The following SWT1 variants were observed in gnomAD, a reference collection of about 807,000 sequenced individuals.
SWT1 encodes the protein transcriptional protein SWT1.
Under a neutral mutation model 107.3 loss-of-function variants are expected in SWT1, and 33 were observed. The ratio of observed to expected loss-of-function variants is 0.31; its 90% CI spans 0.23 to 0.41. The LOEUF (loss-of-function observed/expected upper bound fraction) is 0.41. Ranked by LOEUF, SWT1 falls within the 10% of genes least tolerant of loss-of-function variation. SWT1 has a pLI of 1.00. For synonymous variants in SWT1, 345 were observed against 348.3 expected, an observed-to-expected ratio of 0.99 and a Z score of 0.11; for missense variants, 898 against 1,028.9, an observed-to-expected ratio of 0.87 and a Z score of 1.74.
intron 13 of SWT1, among the ~76,000 whole-genome samples, chr1:185,212,646 C>CA (rs1007903697): frequency 4.0e-5 from 6 of 150,858 alleles, no homozygotes; most frequent in South Asian, 2.1e-4. Context: ...ACTAAAAATC[C>CA]AAAAAAAATA....
At position 185,221,888 on chromosome 1, in the gene SWT1, G is replaced by T. The variant is rs1659683947; in HGVS notation, c.2161G>T (p.Val721Leu). ...TAAGCCAAATTCTTCAGAAAACACAGTGACTAAAAAGCAGGAAGGTACTTC... is the reference window on the plus strand; with the variant it reads ...TAAGCCAAATTCTTCAGAAAACACATTGACTAAAAAGCAGGAAGGTACTTC... The part of the protein sequence containing the change: ...KLKPNSSENT[V>L]TKKQEGTSLK... Residue 721 changes from valine (V) to leucine (L), a missense_variant, in exon 15 of 19, where the codon GTG (valine) becomes TTG (leucine). By Grantham distance (32) the Val-to-Leu change is conservative. Coordinates refer to ENST00000367500, the MANE Select transcript of SWT1 (RefSeq NM_017673.7). 6.2e-7 allele frequency: 1 copy of T among 1,604,602 alleles called. No individual in the cohort carries two copies. The highest frequency in any genetic ancestry group is 8.5e-7 in the Non-Finnish European group (1 of 1,177,108).
chr1:185,181,191 C>T (rs779847597), intron 6 of SWT1, among the ~76,000 whole-genome samples: 1 of 152,200 alleles, frequency 6.6e-6, no homozygotes, highest in South Asian at 2.1e-4. Flanking sequence ...TTACTGGAGC[C>T]CGGGAGATGG....
chr1:185,195,270 T>C (rs1443742092), intron 10 of SWT1, among the ~76,000 whole-genome samples: 1 of 152,168 alleles, frequency 6.6e-6, no homozygotes, highest in Non-Finnish European at 1.5e-5. Context: ...GTTCCTGTGT[T>C]AGTTTGCTGG....
chr1:185,167,582 C>T (rs1654692164), intron 3 of SWT1, among the ~76,000 whole-genome samples: 1 of 152,194 alleles, frequency 6.6e-6, no homozygotes, highest in South Asian at 2.1e-4. Context: ...CCGATTTCAT[C>T]CCATTTCTCC....
intron 13 of SWT1, among the ~76,000 whole-genome samples, chr1:185,208,707 T>C (rs1658523673): frequency 6.6e-6 from 1 of 152,016 alleles, no homozygotes; most frequent in Non-Finnish European, 1.5e-5. Flanking sequence ...AGTCATTTCC[T>C]TATGTCTCAT....
At chr1:185,240,230 TAAA>T (rs1558066773) in intron 16 of SWT1, among the ~76,000 whole-genome samples, 1 of 151,874 alleles carries the variant, frequency 6.6e-6, no homozygotes, top group Non-Finnish European at 1.5e-5. Flanking sequence ...AATTATGTTT[TAAA>T]AAACAAAAAA....
At chr1:185,243,564 A>G (rs1402393322) in intron 16 of SWT1, among the ~76,000 whole-genome samples, 1 of 152,206 alleles carries the variant, frequency 6.6e-6, no homozygotes, top group Non-Finnish European at 1.5e-5. Context: ...TTAACTCAGG[A>G]CAGTGTTTTC....
Position 185,202,743 on chromosome 1 carries a change from C to A in SWT1, c.1613C>A (p.Ser538Tyr). 1 of 1,599,294 alleles carries A rather than the reference C, an allele frequency of 6.3e-7. No individual in the cohort carries two copies. Among genetic ancestry groups the A allele is most frequent in the Non-Finnish European group, 8.5e-7 (1 of 1,172,072 alleles). ...TTGAGTGCAGAGTTATTACACTTAT[C>A]TCTGAACACAGATGTGTGTCATCAG... ...EELSAELLHL[S>Y]LNTDVCHQPC... The change falls in exon 11 of 19, where the codon TCT becomes TAT. Residue 538 changes from serine (S) to tyrosine (Y), a missense_variant. By Grantham distance (144) the Ser-to-Tyr change is moderately radical. This residue lies in a region of SWT1 where 382 missense variants were observed against 460.0 expected (regional missense o/e 0.83). Coordinates refer to ENST00000367500, the MANE Select transcript of SWT1 (RefSeq NM_017673.7).
In SWT1 at chr1:185,176,515, G is replaced by A. The variant is rs1253458284; in HGVS notation, c.966+1402G>A. ...TTATGTAATGTAATTGCCATTTATG[G>A]ACTACTTTGAGAACCTAATCTCTAT... On this transcript the variant is annotated intron_variant, in intron 5 of 18. Coordinates refer to ENST00000367500, the MANE Select transcript of SWT1 (RefSeq NM_017673.7). The A allele has an allele frequency of 9.5e-6, 9 of 950,108 alleles. No individual in the cohort carries two copies. In the South Asian group the frequency reaches 3.4e-4, roughly 36 times the overall value. 58.9% of individuals were successfully genotyped at this position (950,108 alleles called of 1,614,324 possible).
intron 10 of SWT1, among the ~76,000 whole-genome samples, chr1:185,196,580 T>C (rs1002244925): frequency 6.6e-6 from 1 of 152,244 alleles, no homozygotes; most frequent in African/African-American, 2.4e-5. Context: ...TTGGGCATTG[T>C]GGCCATTTTC....
At chr1:185,258,273 C>T (rs545793184) in intron 16 of SWT1, among the ~76,000 whole-genome samples, 12 of 151,776 alleles carry the variant, frequency 7.9e-5, no homozygotes, top group East Asian at 7.7e-4. Flanking sequence ...TTCTGATCTC[C>T]ATCCTCTCAT....
intron 14 of SWT1, among the ~76,000 whole-genome samples, chr1:185,220,639 T>G (rs1449620042): frequency 6.6e-6 from 1 of 152,186 alleles, no homozygotes; most frequent in Non-Finnish European, 1.5e-5. Flanking sequence ...TATCTTTACC[T>G]GGATAACTTT....
In SWT1 at chr1:185,184,737, T is replaced by C. The variant is rs1460642035; in HGVS notation, c.1241-6T>C. The C allele has an allele frequency of 2.1e-5, 33 of 1,600,190 alleles. No individual in the cohort carries two copies. Among genetic ancestry groups the C allele is most frequent in the Non-Finnish European group, 2.8e-5 (33 of 1,174,126 alleles). On this transcript the variant is annotated splice_polypyrimidine_tract_variant and splice_region_variant and intron_variant, in intron 8 of 18. Coordinates refer to ENST00000367500, the MANE Select transcript of SWT1 (RefSeq NM_017673.7). ...TTAAATTCTAAGAAATCTTTTTATT[T>C]TTTAGGTTTTGACAAACTTGTGTTA...
intron 3 of SWT1, among the ~76,000 whole-genome samples, chr1:185,167,273 A>G (rs1031486733): frequency 3.9e-5 from 6 of 152,226 alleles, no homozygotes; most frequent in Admixed American, 6.5e-5. Flanking sequence ...TTCCAAGGCC[A>G]CAAAACTGTG....
At position 185,214,610 on chromosome 1, in the gene SWT1, A is replaced by G. The variant is rs747152114; in HGVS notation, c.2076A>G (p.Pro692=). The part of the protein sequence containing the change: ...STRSNYDGIL[P]QTFAQVNNLL... ...GGTCAAATTATGATGGTATTCTTCC[A>G]CAGACCTTTGCTCAAGTAAACAACC... Residue 692 remains proline (P), a synonymous_variant, in exon 14 of 19, where the codon CCA becomes CCG. Coordinates refer to ENST00000367500, the MANE Select transcript of SWT1 (RefSeq NM_017673.7). The G allele has an allele frequency of 1.2e-6, 2 of 1,612,124 alleles. No individual in the cohort carries two copies. The highest frequency in any genetic ancestry group is 2.2e-5 in the East Asian group (1 of 44,704).
rs1447248745 is a variant in SWT1 at position 185,158,502 on chromosome 1, CTCATT to C, written c.-10+1191_-10+1195del. On this transcript the variant is annotated intron_variant, in intron 1 of 18. Coordinates refer to ENST00000367500, the MANE Select transcript of SWT1 (RefSeq NM_017673.7). ...TGTGCATCATCCAATAATTCTTGTT[CTCATT>C]TCTTTTTTTTTTTTTTACTGTCGTT... Among the ~76,000 whole-genome samples, 3 of 148,568 alleles carry C rather than the reference CTCATT, an allele frequency of 2.0e-5. No individual in the cohort carries two copies. The East Asian group carries it at 5.9e-4, about 29-fold the overall frequency.
Position 185,275,744 on chromosome 1 carries a change from A to G in SWT1, c.2509-860A>G, listed in dbSNP as rs913722261. On this transcript the variant is annotated intron_variant, in intron 17 of 18. Transcript: ENST00000367500. Reference sequence around the variant, plus strand: ...GAAACATTTTCTACACAAATATGGTAAACTTTCTATGAAAACATTGAAGAA... The same window carrying G: ...GAAACATTTTCTACACAAATATGGTGAACTTTCTATGAAAACATTGAAGAA... 2.0e-4 allele frequency among the ~76,000 whole-genome samples: 31 copies of G among 152,182 alleles called. 1 individual carries two copies. Among genetic ancestry groups the G allele is most frequent in the Admixed American group, 2.0e-3 (30 of 15,292 alleles).
intron 16 of SWT1, among the ~76,000 whole-genome samples, chr1:185,258,946 G>A (rs931083560): frequency 2.6e-5 from 4 of 151,690 alleles, no homozygotes; most frequent in Non-Finnish European, 4.4e-5. Context: ...CCTGGCTCTC[G>A]TCATTCTATC....
intron 16 of SWT1, among the ~76,000 whole-genome samples, chr1:185,243,814 C>T (rs1240955181): frequency 6.6e-6 from 1 of 152,000 alleles, no homozygotes; most frequent in Non-Finnish European, 1.5e-5. Context: ...TTATTTTTGA[C>T]AGCATGTAGC....
Sources: gnomAD v4.1 joint callset for allele counts (sites outside exome capture counted in the v4.1 genomes callset) on GRCh38, gnomAD v4.1.1 for gene constraint, gnomAD v4.1.1 regional missense constraint, MANE v1.5 for transcripts, NCBI Gene and HGNC (gene_info 2026-07-23, HGNC 2026-07-21) for gene names.